SNX14: variants seen among roughly 807,000 people sequenced by gnomAD.
SNX14 encodes the protein sorting nexin 14.
SNX14 carries 93 observed loss-of-function variants against 133.8 expected under a neutral mutation model. That is an observed-to-expected ratio of 0.70 (90% CI 0.59 to 0.83). The LOEUF (loss-of-function observed/expected upper bound fraction) is 0.83. Among genes scored for constraint, SNX14 ranks in the 40% least tolerant of loss-of-function variants. The probability of loss-of-function intolerance (pLI) is 0.00; values close to 1 mark genes in which losing one functional copy is unlikely to be tolerated. For missense variants in SNX14, 945 were observed against 1,094.9 expected, an observed-to-expected ratio of 0.86 and a Z score of 1.93; for synonymous variants, 368 against 365.6, an observed-to-expected ratio of 1.01 and a Z score of -0.07.
intron 5 of SNX14, 123 bp downstream of exon 5, chr6:85,567,411 C>T: frequency 2.8e-6 from 2 of 720,802 alleles, no homozygotes; most frequent in East Asian, 3.2e-5. Flanking sequence ...ATTATTTTGG[C>T]TAAAAGGTCA....
In SNX14 at chr6:85,538,877, G is replaced by T; in HGVS notation, c.1449-13C>A. On this transcript the variant is annotated splice_polypyrimidine_tract_variant and intron_variant, in intron 15 of 28. Coordinates refer to ENST00000314673, the MANE Select transcript of SNX14 (RefSeq NM_153816.6). ...ACTTAGGCTACCTCTGCAATAACAG[G>T]TATGTGAAATAATATAAGGAGAGGA... 6.3e-7 allele frequency: 1 copy of T among 1,589,064 alleles called. No individual in the cohort carries two copies. Among genetic ancestry groups the T allele is most frequent in the African/African-American group, 1.4e-5 (1 of 73,334 alleles).
At chr6:85,515,545 A>G (rs1324099913) in intron 23 of SNX14, among the ~76,000 whole-genome samples, 2 of 151,990 alleles carry the variant, frequency 1.3e-5, no homozygotes, top group Non-Finnish European at 2.9e-5. Flanking sequence ...AAGTAAGGAG[A>G]CTGTGGAGGA....
intron 4 of SNX14, among the ~76,000 whole-genome samples, chr6:85,570,988 T>C (rs973204375): frequency 6.6e-6 from 1 of 152,180 alleles, no homozygotes; most frequent in Non-Finnish European, 1.5e-5. Context: ...CAAGTGTTTA[T>C]TAATAGCCAC....
intron 9 of SNX14, 105 bp downstream of exon 9, chr6:85,548,196 T>G: frequency 1.3e-6 from 1 of 781,886 alleles, no homozygotes; most frequent in Non-Finnish European, 2.1e-6. Flanking sequence ...CACAACAATA[T>G]GAATGTTTTC....
chr6:85,524,065 C>T (rs763022723), intron 21 of SNX14, among the ~76,000 whole-genome samples: 1 of 151,762 alleles, frequency 6.6e-6, no homozygotes, highest in East Asian at 2.0e-4. Context: ...GCCTGTAGTC[C>T]CAGCTACTAG....
chr6:85,582,744 G>C (rs1328251252), intron 1 of SNX14, among the ~76,000 whole-genome samples: 1 of 152,094 alleles, frequency 6.6e-6, no homozygotes, highest in Admixed American at 6.6e-5. Context: ...TCCCTGAATA[G>C]GCCAATAACA....
chr6:85,521,118 T>G (rs1776713518), intron 21 of SNX14, among the ~76,000 whole-genome samples: 1 of 152,244 alleles, frequency 6.6e-6, no homozygotes, highest in African/African-American at 2.4e-5. Context: ...TTTTAAAAAC[T>G]TTGGTGAATG....
chr6:85,514,432 AC>A, intron 24 of SNX14, 73 bp downstream of exon 24: 1 of 1,552,860 alleles, frequency 6.4e-7, no homozygotes, highest in Non-Finnish European at 8.8e-7. Context: ...ATGGGGCAAT[AC>A]TCAAGATCAT....
rs942123146 is a variant in SNX14, at chr6:85,593,775, C to T, written c.-57G>A. 2 of 1,603,222 alleles carry T rather than the reference C, an allele frequency of 1.2e-6. No homozygotes were observed. Among genetic ancestry groups the T allele is most frequent in the African/African-American group, 1.3e-5 (1 of 74,380 alleles). ...TGGCTGAGGCAGAGGTCAAGGCGACCCCCCATCCACACCTCGCGTCCCCGC... is the reference window on the plus strand; with the variant it reads ...TGGCTGAGGCAGAGGTCAAGGCGACTCCCCATCCACACCTCGCGTCCCCGC... On this transcript the variant is annotated 5_prime_UTR_variant, in exon 1 of 29. Transcript: ENST00000314673.
chr6:85,560,201 T>C (rs192104561), intron 6 of SNX14, among the ~76,000 whole-genome samples: 1 of 152,076 alleles, frequency 6.6e-6, no homozygotes, highest in East Asian at 1.9e-4. Flanking sequence ...TGCTAACAGG[T>C]ACATAACAGA....
chr6:85,565,776 C>T (rs1349537747), intron 5 of SNX14, among the ~76,000 whole-genome samples: 5 of 151,938 alleles, frequency 3.3e-5, no homozygotes, highest in Non-Finnish European at 1.5e-5. Context: ...AGAATTAATA[C>T]AAAATTTTTA....
intron 2 of SNX14, among the ~76,000 whole-genome samples, chr6:85,573,089 A>G (rs1796210053): frequency 6.6e-6 from 1 of 152,234 alleles, no homozygotes; most frequent in South Asian, 2.1e-4. Flanking sequence ...CTGATCAAAT[A>G]TGGGGCACCA....
chr6:85,585,787 C>T (rs1282422232), intron 1 of SNX14, among the ~76,000 whole-genome samples: 1 of 151,810 alleles, frequency 6.6e-6, no homozygotes, highest in Non-Finnish European at 1.5e-5. Flanking sequence ...CGAGAATAAC[C>T]ATGTTGTAAC....
At position 85,562,582 on chromosome 6, in the gene SNX14, C is replaced by CTTTTT. The variant is rs201175458; in HGVS notation, c.549+2745_549+2749dup. Among the ~76,000 whole-genome samples, 54 of 94,850 alleles carry CTTTTT rather than the reference C, an allele frequency of 5.7e-4. 1 individual carries two copies. Among genetic ancestry groups the CTTTTT allele is most frequent in the East Asian group, 6.3e-4 (2 of 3,168 alleles). The allele number at this position is 94,850 out of a possible 152,430, so 62.2% of individuals were successfully genotyped here. A position where few individuals can be genotyped will look rare whatever the true frequency, so the allele number is the denominator to read the frequency against. On this transcript the variant is annotated intron_variant, in intron 6 of 28. Coordinates refer to ENST00000314673, the MANE Select transcript of SNX14 (RefSeq NM_153816.6). Reference sequence around the variant, plus strand: ...TAAATCTTTGAACATACTTTTTGGGCTTTTTTTTTTTTTTTTTTTTTTGAG... The same window carrying CTTTTT: ...TAAATCTTTGAACATACTTTTTGGGCTTTTTTTTTTTTTTTTTTTTTTTTTTTGAG...
At chr6:85,557,694 G>C (rs1323643853) in intron 7 of SNX14, among the ~76,000 whole-genome samples, 2 of 152,126 alleles carry the variant, frequency 1.3e-5, no homozygotes, top group Non-Finnish European at 2.9e-5. Flanking sequence ...AACCATTAAG[G>C]AGAAAGGGTG....
At chr6:85,520,015 C>CAGT (rs548244244) in intron 21 of SNX14, among the ~76,000 whole-genome samples, 3,748 of 150,680 alleles carry the variant, frequency 0.025, 115 homozygotes, top group African/African-American at 0.073. Flanking sequence ...TGCTTTTATA[C>CAGT]AGTAGTAGTA....
At chr6:85,520,897 T>G (rs1776649132) in intron 21 of SNX14, among the ~76,000 whole-genome samples, 1 of 152,212 alleles carries the variant, frequency 6.6e-6, no homozygotes. Context: ...TGTTTCTAGT[T>G]TGGGCTATAC....
intron 1 of SNX14, among the ~76,000 whole-genome samples, chr6:85,590,287 C>A (rs929710465): frequency 6.6e-6 from 1 of 152,176 alleles, no homozygotes; most frequent in Non-Finnish European, 1.5e-5. Flanking sequence ...TTGCGTACAC[C>A]TTCCTGCCTT....
chr6:85,533,145 C>A (rs989342474), intron 18 of SNX14, among the ~76,000 whole-genome samples: 6 of 152,182 alleles, frequency 3.9e-5, no homozygotes, highest in African/African-American at 1.4e-4. Flanking sequence ...CCTTGGCCTC[C>A]CAAAGTACTG....
Sources: gnomAD v4.1 joint callset for allele counts (sites outside exome capture counted in the v4.1 genomes callset) on GRCh38, gnomAD v4.1.1 for gene constraint, MANE v1.5 for transcripts, NCBI Gene and HGNC (gene_info 2026-07-23, HGNC 2026-07-21) for gene names.